GRIN2B: variants seen among roughly 807,000 people sequenced by gnomAD.
The protein encoded by GRIN2B is glutamate ionotropic receptor NMDA type subunit 2B.
GRIN2B carries 5 observed loss-of-function variants against 114.5 expected under a neutral mutation model. That is an observed-to-expected ratio of 0.04 (90% confidence interval 0.02 to 0.09). GRIN2B has a LOEUF of 0.09. Among genes scored for constraint, GRIN2B ranks in the 10% least tolerant of loss-of-function variants. The pLI, the probability that GRIN2B is intolerant of heterozygous loss-of-function variation, is 1.00. For synonymous variants in GRIN2B, 787 were observed against 745.1 expected, an observed-to-expected ratio of 1.06 and a Z score of -0.92; for missense variants, 1,108 against 1,943.5, an observed-to-expected ratio of 0.57 and a Z score of 8.08.
intron 5 of GRIN2B, among the ~76,000 whole-genome samples, chr12:13,625,305 A>G (rs1949555272): frequency 6.6e-6 from 1 of 152,120 alleles, no homozygotes; most frequent in Non-Finnish European, 1.5e-5. Context: ...GATCTAAGAG[A>G]GTAGAAGAGT....
intron 3 of GRIN2B, among the ~76,000 whole-genome samples, chr12:13,839,101 G>T (rs960389991): frequency 5.9e-5 from 9 of 152,176 alleles, no homozygotes; most frequent in Non-Finnish European, 8.8e-5. Flanking sequence ...AACACCTACT[G>T]ATCACACTCT....
At chr12:13,611,468 T>C (rs949080299) in intron 9 of GRIN2B, among the ~76,000 whole-genome samples, 59 of 152,218 alleles carry the variant, frequency 3.9e-4, no homozygotes, top group African/African-American at 1.4e-3. Context: ...TATCTACCAA[T>C]AGTTTTTCCT....
At position 13,567,157 on chromosome 12, in the gene GRIN2B, G is replaced by A; in HGVS notation, c.2466C>T (p.Phe822=). 1 of 1,614,042 alleles carries A rather than the reference G, an allele frequency of 6.2e-7. No individual in the cohort carries two copies. The highest frequency in any genetic ancestry group is 8.5e-7 in the Non-Finnish European group (1 of 1,179,876). Residue 822 remains phenylalanine, a synonymous_variant, in exon 13 of 14, where the codon TTC becomes TTT. Transcript: ENST00000609686. ...QLDIDNMAGV[F]YMLGAAMALS... Reference sequence around the variant, plus strand: ...GAGCCATGGCCGCCCCCAACATGTAGAAGACCCCTGCCATGTTGTCAATGT... The same window carrying A: ...GAGCCATGGCCGCCCCCAACATGTAAAAGACCCCTGCCATGTTGTCAATGT...
intron 4 of GRIN2B, among the ~76,000 whole-genome samples, chr12:13,719,235 A>T (rs953907170): frequency 6.6e-6 from 1 of 152,100 alleles, no homozygotes; most frequent in Non-Finnish European, 1.5e-5. Context: ...TTGCTCCTGG[A>T]ATCAGTCCCC....
intron 5 of GRIN2B, among the ~76,000 whole-genome samples, chr12:13,625,814 C>G (rs911642571): frequency 2.6e-5 from 4 of 152,150 alleles, no homozygotes; most frequent in African/African-American, 9.7e-5. Flanking sequence ...TCTGAATTTA[C>G]CCAAGGTCTT....
intron 3 of GRIN2B, among the ~76,000 whole-genome samples, chr12:13,799,716 A>T (rs11055624): frequency 0.16 from 23,888 of 151,890 alleles, 2,434 homozygotes; most frequent in Non-Finnish European, 0.22. Flanking sequence ...GGAAAGGAGG[A>T]GCAGGGAAGG....
chr12:13,793,666 A>T (rs1338698357), intron 3 of GRIN2B, among the ~76,000 whole-genome samples: 1 of 152,076 alleles, frequency 6.6e-6, no homozygotes, highest in Non-Finnish European at 1.5e-5. Context: ...TATCCTTAGC[A>T]CTTTTCCCAC....
intron 2 of GRIN2B, among the ~76,000 whole-genome samples, chr12:13,922,092 TG>T (rs1366633368): frequency 6.6e-6 from 1 of 152,186 alleles, no homozygotes; most frequent in East Asian, 1.9e-4. Context: ...CCTAGTAAGG[TG>T]TCTAGCACAC....
At chr12:13,933,590 TGCTGGTACCTCTGCAAGAAGGGTATCAG>T (rs1280231976) in intron 2 of GRIN2B, among the ~76,000 whole-genome samples, 1 of 152,168 alleles carries the variant, frequency 6.6e-6, no homozygotes, top group East Asian at 1.9e-4. Context: ...CCTCTGATGC[TGCTGGTACCTCTGCAAGAAGGGTATCAG>T]GTATCAGCCA....
At chr12:13,795,702 C>T (rs1591736069) in intron 3 of GRIN2B, among the ~76,000 whole-genome samples, 1 of 152,064 alleles carries the variant, frequency 6.6e-6, no homozygotes, top group South Asian at 2.1e-4. Flanking sequence ...TCAATGATAG[C>T]CTGGATTAAG....
intron 5 of GRIN2B, among the ~76,000 whole-genome samples, chr12:13,667,331 ACAGCCTT>A (rs928012182): frequency 6.6e-6 from 1 of 152,192 alleles, no homozygotes; most frequent in African/African-American, 2.4e-5. Flanking sequence ...ATAACAAAGG[ACAGCCTT>A]CCACCAGACT....
At chr12:13,565,201 C>G (rs11612963) in intron 13 of GRIN2B, among the ~76,000 whole-genome samples, 1 of 152,156 alleles carries the variant, frequency 6.6e-6, no homozygotes, top group Non-Finnish European at 1.5e-5. Context: ...CAAATAACAG[C>G]TGAGCAATTC....
At chr12:13,717,066 CGT>C (rs56360153) in intron 4 of GRIN2B, among the ~76,000 whole-genome samples, 45,768 of 145,732 alleles carry the variant, frequency 0.31, 7,319 homozygotes, top group East Asian at 0.45. Context: ...ATGCCATACG[CGT>C]GTGTGTGTGT....
chr12:13,969,860 G>A (rs1239897215), intron 2 of GRIN2B, among the ~76,000 whole-genome samples: 1 of 152,194 alleles, frequency 6.6e-6, no homozygotes, highest in Non-Finnish European at 1.5e-5. Flanking sequence ...GAGAGGTTGA[G>A]AAGGTAACCA....
chr12:13,593,309 A>G lies in GRIN2B; in HGVS notation c.2010+15294T>C, dbSNP rs534527072. On this transcript the variant is annotated intron_variant, in intron 10 of 13. Transcript: ENST00000609686. Reference sequence around the variant, plus strand: ...ACTTCAAACTATACTACAAGCCTACAGTAACAAAAACAGCATGGTACTGGT... The same window carrying G: ...ACTTCAAACTATACTACAAGCCTACGGTAACAAAAACAGCATGGTACTGGT... Among the ~76,000 whole-genome samples, 4 of 152,366 alleles carry G rather than the reference A, an allele frequency of 2.6e-5. No homozygotes were observed. The South Asian group carries it at 8.3e-4, about 32-fold the overall frequency.
At chr12:13,737,096 G>A (rs1447661999) in intron 4 of GRIN2B, among the ~76,000 whole-genome samples, 6 of 150,792 alleles carry the variant, frequency 4.0e-5, no homozygotes, top group African/African-American at 9.7e-5. Flanking sequence ...TCCTTGTCAA[G>A]CCCAAAAGAG....
intron 3 of GRIN2B, among the ~76,000 whole-genome samples, chr12:13,811,514 G>A (rs554929910): frequency 1.3e-5 from 2 of 152,328 alleles, no homozygotes; most frequent in African/African-American, 4.8e-5. Flanking sequence ...CTAGAAGGGC[G>A]AGGCTGCAGT....
At chr12:13,968,912 T>A (rs556960226) in intron 2 of GRIN2B, among the ~76,000 whole-genome samples, 4 of 152,208 alleles carry the variant, frequency 2.6e-5, no homozygotes, top group African/African-American at 9.6e-5. Flanking sequence ...AAGAAATAGA[T>A]GCAAGAAAAT....
intron 4 of GRIN2B, among the ~76,000 whole-genome samples, chr12:13,744,080 C>T (rs1235853975): frequency 6.6e-6 from 1 of 152,220 alleles, no homozygotes; most frequent in East Asian, 1.9e-4. Flanking sequence ...CTAAGTTTCC[C>T]TCCTTCGCCC....
Sources: allele counts gnomAD v4.1 joint callset (sites outside exome capture counted in the v4.1 genomes callset), GRCh38; gene constraint gnomAD v4.1.1; transcripts MANE v1.5; gene names NCBI Gene and HGNC (gene_info 2026-07-23, HGNC 2026-07-21).